The following CIMAP2 variants were observed in gnomAD, a reference collection of about 807,000 sequenced individuals.
The protein encoded by CIMAP2 is ciliary microtubule associated protein 2, also known as ciliary microtubule-associated protein 2.
the CIMAP2 span, among the ~76,000 whole-genome samples, chr1:54,810,960 C>T: frequency 1.3e-5 from 2 of 152,244 alleles, no homozygotes; most frequent in Non-Finnish European, 2.9e-5. Flanking sequence ...CCCGTCCATG[C>T]TCTGTCTCAC....
chr1:54,839,105 A>G, the CIMAP2 span, among the ~76,000 whole-genome samples: 1 of 140,348 alleles, frequency 7.1e-6, no homozygotes, highest in East Asian at 2.1e-4. Context: ...TTCTTTCCTC[A>G]AGGGTTTTCT....
At chr1:54,840,188 C>G in the CIMAP2 span, among the ~76,000 whole-genome samples, 1 of 152,240 alleles carries the variant, frequency 6.6e-6, no homozygotes, top group Non-Finnish European at 1.5e-5. Flanking sequence ...TCTACCATCC[C>G]TGGAGTTTTG....
the CIMAP2 span, among the ~76,000 whole-genome samples, chr1:54,819,178 G>T: frequency 6.6e-6 from 1 of 152,158 alleles, no homozygotes; most frequent in Admixed American, 6.5e-5. Context: ...TGTCCTGGGT[G>T]GGGGTAAGTG....
At chr1:54,817,396 T>C in the CIMAP2 span, among the ~76,000 whole-genome samples, 4 of 152,196 alleles carry the variant, frequency 2.6e-5, no homozygotes, top group South Asian at 8.3e-4. Flanking sequence ...CCAAATGAAA[T>C]GATCTGTTGA....
chr1:54,825,667 T>G, the CIMAP2 span, among the ~76,000 whole-genome samples: 1 of 152,014 alleles, frequency 6.6e-6, no homozygotes, highest in African/African-American at 2.4e-5. Flanking sequence ...GGCGGGCTGG[T>G]CCTCAGGCCT....
At chr1:54,806,921 C>G in the CIMAP2 span, 1 of 1,392,578 alleles carries the variant, frequency 7.2e-7, no homozygotes, top group South Asian at 1.2e-5. Context: ...GCCAACTCCC[C>G]CATGCTCCAG....
chr1:54,823,687 G>A, the CIMAP2 span, among the ~76,000 whole-genome samples: 1 of 152,010 alleles, frequency 6.6e-6, no homozygotes, highest in African/African-American at 2.4e-5. Context: ...GTGGGTTTTT[G>A]TAGGGATAAC....
At chr1:54,834,147 T>C in the CIMAP2 span, among the ~76,000 whole-genome samples, 1 of 152,222 alleles carries the variant, frequency 6.6e-6, no homozygotes, top group Non-Finnish European at 1.5e-5. Context: ...CTATGATTTG[T>C]TCTTGAAACA....
At chr1:54,812,266 A>C in the CIMAP2 span, 8 of 1,574,754 alleles carry the variant, frequency 5.1e-6, no homozygotes, top group East Asian at 2.3e-5. Context: ...CACCAGGAAC[A>C]CCAGCCTGTG....
the CIMAP2 span, chr1:54,807,631 C>T: frequency 7.6e-4 from 1,219 of 1,610,914 alleles, 6 homozygotes; most frequent in African/African-American, 0.014. Context: ...GGAAGCCACG[C>T]GGCTGACCCA....
At chr1:54,812,488 G>A in the CIMAP2 span, among the ~76,000 whole-genome samples, 1 of 152,230 alleles carries the variant, frequency 6.6e-6, no homozygotes, top group Non-Finnish European at 1.5e-5. Context: ...GGTGAAGATG[G>A]CCCACAGTGC....
At chr1:54,841,684 T>G in the CIMAP2 span, 1 of 1,602,986 alleles carries the variant, frequency 6.2e-7, no homozygotes, top group Non-Finnish European at 8.5e-7. Flanking sequence ...TAGGATCTCC[T>G]GTGAAGCAGA....
the CIMAP2 span, among the ~76,000 whole-genome samples, chr1:54,823,503 G>T: frequency 6.6e-6 from 1 of 152,112 alleles, no homozygotes; most frequent in Non-Finnish European, 1.5e-5. Flanking sequence ...GCAGCAGATA[G>T]TTATCTTCTA....
At chr1:54,825,494 T>A in the CIMAP2 span, among the ~76,000 whole-genome samples, 3 of 152,334 alleles carry the variant, frequency 2.0e-5, no homozygotes, top group South Asian at 2.1e-4. Context: ...GGTTTCTTAG[T>A]GGCTTAGGCT....
At chr1:54,831,218 T>C in the CIMAP2 span, among the ~76,000 whole-genome samples, 12 of 152,356 alleles carry the variant, frequency 7.9e-5, no homozygotes, top group Admixed American at 7.8e-4. Flanking sequence ...GAGTCCTCTA[T>C]GTAGTCAACC....
chr1:54,817,479 G>A, the CIMAP2 span, among the ~76,000 whole-genome samples: 1 of 152,188 alleles, frequency 6.6e-6, no homozygotes, highest in Non-Finnish European at 1.5e-5. Context: ...TCCAGTCTCG[G>A]CTCTCAGTGG....
chr1:54,809,129 C>G, the CIMAP2 span, among the ~76,000 whole-genome samples: 1 of 152,202 alleles, frequency 6.6e-6, no homozygotes. Flanking sequence ...TCCTAAGTAT[C>G]AGGTGCTCCA....
the CIMAP2 span, among the ~76,000 whole-genome samples, chr1:54,813,036 T>C: frequency 6.6e-6 from 1 of 152,168 alleles, no homozygotes; most frequent in African/African-American, 2.4e-5. Flanking sequence ...GACCTCCCCA[T>C]GACCAGCTAT....
chr1:54,825,715 G>A, the CIMAP2 span, among the ~76,000 whole-genome samples: 11 of 152,196 alleles, frequency 7.2e-5, no homozygotes, highest in South Asian at 1.0e-3. Context: ...TGGCAGTGGC[G>A]GGCTGAGCCA....
Sources: allele counts gnomAD v4.1 joint callset (sites outside exome capture counted in the v4.1 genomes callset), GRCh38; gene constraint gnomAD v4.1.1; transcripts MANE v1.5; gene names NCBI Gene and HGNC (gene_info 2026-07-23, HGNC 2026-07-21).